SAMMSON: variants seen among roughly 807,000 people sequenced by gnomAD.
The protein encoded by SAMMSON is survival associated mitochondrial melanoma specific oncogenic non-coding RNA.
At chr3:70,254,056 C>G (rs1701792908) in intron 6 of SAMMSON, among the ~76,000 whole-genome samples, 2 of 152,036 alleles carry the variant, frequency 1.3e-5, no homozygotes, top group South Asian at 2.1e-4. Context: ...ATTCAGATAA[C>G]AGTTATTTAG....
At chr3:70,244,095 T>G (rs928759078) in intron 4 of SAMMSON, among the ~76,000 whole-genome samples, 2 of 152,204 alleles carry the variant, frequency 1.3e-5, no homozygotes, top group African/African-American at 4.8e-5. Flanking sequence ...ACCTCCCTGC[T>G]CTTCGGTTTC....
intron 4 of SAMMSON, among the ~76,000 whole-genome samples, chr3:70,174,680 A>G (rs996431839): frequency 6.6e-6 from 1 of 152,036 alleles, no homozygotes; most frequent in Non-Finnish European, 1.5e-5. Flanking sequence ...TCATATGCCT[A>G]CAAATGAAAA....
In SAMMSON at chr3:70,418,999, C is replaced by T. The variant is rs9865419; in HGVS notation, n.234-43561C>T. ...CTTCCTTCTCTCTCTCTCTCTCTCT[C>T]TCTTTCTTTCTTTCTTTCCTTCTTT... On this transcript the variant is annotated intron_variant and non_coding_transcript_variant, in intron 2 of 3. Coordinates refer to the SAMMSON transcript ENST00000641053. Among the ~76,000 whole-genome samples the T allele has an allele frequency of 4.6e-3, 544 of 119,144 alleles. 24 individuals carry two copies. Among genetic ancestry groups the T allele is most frequent in the African/African-American group, 0.015 (422 of 28,614 alleles). 78.2% of individuals were successfully genotyped at this position (119,144 alleles called of 152,430 possible).
chr3:70,274,936 T>C (rs1649917036), intron 6 of SAMMSON, among the ~76,000 whole-genome samples: 1 of 152,198 alleles, frequency 6.6e-6, no homozygotes, highest in Non-Finnish European at 1.5e-5. Flanking sequence ...AAATGAGTTA[T>C]ATAAAAGTGG....
chr3:70,150,774 T>A (rs2067568095), intron 4 of SAMMSON, among the ~76,000 whole-genome samples: 1 of 152,044 alleles, frequency 6.6e-6, no homozygotes, highest in African/African-American at 2.4e-5. Flanking sequence ...TTGTAAAACG[T>A]GCATATGAAG....
chr3:70,100,793 T>C (rs2067342614), intron 4 of SAMMSON, among the ~76,000 whole-genome samples: 1 of 152,212 alleles, frequency 6.6e-6, no homozygotes, highest in Admixed American at 6.5e-5. Context: ...CCAAACTGTG[T>C]ATTATTTACA....
chr3:70,214,685 A>C (rs1701387693), intron 4 of SAMMSON, among the ~76,000 whole-genome samples: 1 of 151,504 alleles, frequency 6.6e-6, no homozygotes, highest in Non-Finnish European at 1.5e-5. Flanking sequence ...ACCTGTAGAC[A>C]GACATAGGCT....
At chr3:70,238,878 A>G (rs184163932) in intron 4 of SAMMSON, among the ~76,000 whole-genome samples, 1 of 152,296 alleles carries the variant, frequency 6.6e-6, no homozygotes, top group East Asian at 1.9e-4. Context: ...TTAATTTTAT[A>G]TATTTCTTCT....
intron 3 of SAMMSON, among the ~76,000 whole-genome samples, chr3:70,060,741 A>T (rs1173656161): frequency 6.6e-6 from 1 of 152,098 alleles, no homozygotes; most frequent in Non-Finnish European, 1.5e-5. Context: ...CTGGCCCAAC[A>T]TGTCAATAGT....
intron 9 of SAMMSON, among the ~76,000 whole-genome samples, chr3:70,367,285 T>C (rs1702930154): frequency 6.6e-6 from 1 of 151,660 alleles, no homozygotes; most frequent in Non-Finnish European, 1.5e-5. Context: ...TTAAATGTTT[T>C]ATACCCATTA....
chr3:70,289,288 G>A (rs1702202619), intron 6 of SAMMSON, among the ~76,000 whole-genome samples: 1 of 151,484 alleles, frequency 6.6e-6, no homozygotes, highest in Admixed American at 6.6e-5. Flanking sequence ...TTGCTTGTCT[G>A]TAAAGTATTT....
chr3:70,009,469 G>T (rs1185377601), intron 1 of SAMMSON, among the ~76,000 whole-genome samples: 1 of 152,026 alleles, frequency 6.6e-6, no homozygotes, highest in South Asian at 2.1e-4. Context: ...TATTTCTGTG[G>T]GATCGGTGGT....
At chr3:70,433,629 T>A (rs1015467682) in intron 2 of SAMMSON, among the ~76,000 whole-genome samples, 1 of 152,138 alleles carries the variant, frequency 6.6e-6, no homozygotes, top group African/African-American at 2.4e-5. Flanking sequence ...AATAGCTGTC[T>A]TTTGCAGAGA....
At chr3:70,373,053 T>G (rs1702984477) in intron 9 of SAMMSON, among the ~76,000 whole-genome samples, 2 of 152,164 alleles carry the variant, frequency 1.3e-5, no homozygotes, top group Non-Finnish European at 2.9e-5. Context: ...GAGTAGAAAA[T>G]GTATTACCCA....
chr3:70,314,716 C>T (rs540549672), intron 7 of SAMMSON, among the ~76,000 whole-genome samples: 12 of 152,150 alleles, frequency 7.9e-5, no homozygotes, highest in African/African-American at 2.9e-4. Context: ...AATATTGTTC[C>T]TCAGCAGAAA....
At chr3:70,403,022 C>G (rs1187652761) in intron 2 of SAMMSON, among the ~76,000 whole-genome samples, 2 of 151,906 alleles carry the variant, frequency 1.3e-5, no homozygotes, top group Admixed American at 6.6e-5. Flanking sequence ...TCTGTATGGT[C>G]TGTATGCTTT....
At chr3:70,059,646 T>C (rs899258293) in intron 3 of SAMMSON, among the ~76,000 whole-genome samples, 3 of 152,074 alleles carry the variant, frequency 2.0e-5, no homozygotes, top group African/African-American at 7.2e-5. Context: ...TCTGTCCACA[T>C]TGGTGAGGAC....
intron 7 of SAMMSON, among the ~76,000 whole-genome samples, chr3:70,349,073 G>C (rs1298137935): frequency 1.3e-5 from 2 of 152,044 alleles, no homozygotes; most frequent in Non-Finnish European, 2.9e-5. Context: ...CAAGAAATGG[G>C]GGAGTGGAAT....
intron 3 of SAMMSON, among the ~76,000 whole-genome samples, chr3:70,035,980 T>C (rs59568939): frequency 0.046 from 7,078 of 152,242 alleles, 372 homozygotes; most frequent in African/African-American, 0.13. Flanking sequence ...TCAAAAATAG[T>C]ACCTGAAGAA....
Sources: gnomAD v4.1 joint callset for allele counts (sites outside exome capture counted in the v4.1 genomes callset) on GRCh38, gnomAD v4.1.1 for gene constraint, MANE v1.5 for transcripts, NCBI Gene and HGNC (gene_info 2026-07-23, HGNC 2026-07-21) for gene names.